LZTS2: variants seen among roughly 807,000 people sequenced by gnomAD.
LZTS2 encodes the protein leucine zipper tumor suppressor 2.
A neutral mutation model predicts 60.6 loss-of-function variants in LZTS2; 32 were observed. The ratio of observed to expected loss-of-function variants is 0.53; its 90% CI spans 0.40 to 0.71. The LOEUF is 0.71. Ranked by LOEUF, LZTS2 falls within the 30% of genes least tolerant of loss-of-function variation. The probability of loss-of-function intolerance (pLI) is 0.00; values close to 1 mark genes in which losing one functional copy is unlikely to be tolerated. For missense variants in LZTS2, 792 were observed against 901.9 expected (o/e 0.88, Z 1.56); for synonymous variants, 360 against 393.1 (o/e 0.92, Z 1.00).
intron 1 of LZTS2, 94 bp downstream of exon 2, chr10:101,003,040 G>C: frequency 1.4e-6 from 2 of 1,417,796 alleles, no homozygotes; most frequent in Non-Finnish European, 1.9e-6. Flanking sequence ...AAAGAGTGTG[G>C]GCTCCAGATT....
At chr10:100,999,654 C>G (rs1374189019) in exon 1 of LZTS2, 2 of 152,148 alleles carry the variant, frequency 1.3e-5, no homozygotes, top group Admixed American at 1.3e-4. Context: ...CCGAGCAGCC[C>G]CTACGTGCGC....
intron 2 of LZTS2, 100 bp from the exon 4 acceptor site, chr10:101,005,358 T>A: frequency 7.5e-7 from 1 of 1,334,278 alleles, no homozygotes; most frequent in Non-Finnish European, 1.0e-6. Context: ...TTTAATGGAA[T>A]CCACCCTTCC....
chr10:101,006,978 A>G, exon 4 of LZTS2: 1 of 1,552,972 alleles, frequency 6.4e-7, no homozygotes, highest in Non-Finnish European at 8.7e-7. Flanking sequence ...CAGGCAGAGA[A>G]GGAGCAGGTG....
chr10:101,006,788 C>T (rs764484609), exon 4 of LZTS2: 24 of 1,549,266 alleles, frequency 1.5e-5, no homozygotes, highest in Middle Eastern at 2.1e-4. Flanking sequence ...CCCTGTGCCA[C>T]CTGCCACCGC....
chr10:101,003,622 G>T, exon 2 of LZTS2: 1 of 1,603,558 alleles, frequency 6.2e-7, no homozygotes, highest in South Asian at 1.1e-5. Flanking sequence ...CTGTCTGGGA[G>T]CCAGGGCAGC....
chr10:100,997,618 C>A (rs1851942996), upstream of LZTS2, among the ~76,000 whole-genome samples: 4 of 142,582 alleles, frequency 2.8e-5, no homozygotes, highest in Admixed American at 2.1e-4. Flanking sequence ...GGGGGCGGGC[C>A]GGGTGGGACG....
chr10:101,007,774 A>T (rs1430859173), exon 4 of LZTS2: 1 of 510,856 alleles, frequency 2.0e-6, no homozygotes, highest in Non-Finnish European at 2.5e-6. Flanking sequence ...TATTTTTCAC[A>T]CTGTAAATTT....
upstream of LZTS2, among the ~76,000 whole-genome samples, chr10:100,999,316 G>A (rs937045167): frequency 6.6e-6 from 1 of 152,248 alleles, no homozygotes; most frequent in Admixed American, 6.5e-5. Flanking sequence ...CCAACCCGCC[G>A]TGGGGCAGGC....
In LZTS2 at chr10:101,004,246, G is replaced by T. The variant is rs553821491; in HGVS notation, c.1068+80G>T. 5 of 1,469,662 alleles carry T rather than the reference G, an allele frequency of 3.4e-6. No homozygotes were observed. The East Asian group carries it at 1.2e-4, about 35-fold the overall frequency. 91.0% of individuals were successfully genotyped at this position (1,469,662 alleles called of 1,614,324 possible). A position where few individuals can be genotyped will look rare whatever the true frequency, so the allele number is the denominator to read the frequency against. ...GGGATGCAAGCGGCATTTCCATTTT[G>T]GCAGGGAACGGGGGTTGGGTAGTTG... is the stretch of plus-strand genomic sequence containing the variant. On this transcript the variant is annotated intron_variant, in intron 2 of 3. Coordinates refer to ENST00000370220, the Ensembl canonical transcript of LZTS2.
chr10:101,006,886 G>T, exon 4 of LZTS2: 2 of 1,532,120 alleles, frequency 1.3e-6, no homozygotes, highest in Non-Finnish European at 1.8e-6. Context: ...CCCAGGTGGA[G>T]CGATTGCGGG....
chr10:100,999,594 C>A (rs949838805), exon 1 of LZTS2: 1 of 152,344 alleles, frequency 6.6e-6, no homozygotes, highest in African/African-American at 2.4e-5. Context: ...CCGAACCGAG[C>A]CCCCAGACAC....
At chr10:100,997,828 C>T (rs1318141769), upstream of LZTS2, among the ~76,000 whole-genome samples, 2 of 152,340 alleles carry the variant, frequency 1.3e-5, no homozygotes, top group African/African-American at 2.4e-5. Flanking sequence ...GGGGATAAGC[C>T]CTCTCCCGGG....
upstream of LZTS2, among the ~76,000 whole-genome samples, chr10:100,997,904 G>T (rs926636592): frequency 1.3e-5 from 2 of 152,188 alleles, no homozygotes; most frequent in African/African-American, 4.8e-5. Context: ...GGCAGGGCTG[G>T]GGTTAACTCG....
intron 3 of LZTS2, 151 bp downstream of exon 4, chr10:101,005,866 G>A (rs1193171004): frequency 3.5e-6 from 4 of 1,128,806 alleles, no homozygotes; most frequent in Middle Eastern, 3.1e-4. Context: ...GTCCCTTTCT[G>A]GGAGGGGGGT....
At chr10:100,997,104 G>A (rs1220176911), upstream of LZTS2, 3 of 152,612 alleles carry the variant, frequency 2.0e-5, no homozygotes, top group Non-Finnish European at 4.4e-5. Context: ...CGGGAGCTGG[G>A]AGCCGGGAGC....
chr10:101,002,407 TAC>T, exon 1 of LZTS2: 1 of 798,040 alleles, frequency 1.3e-6, no homozygotes, highest in Non-Finnish European at 1.9e-6. Context: ...CAGGGCTTGT[TAC>T]TGATGTCAAG....
chr10:101,007,276 G>A, exon 4 of LZTS2: 1 of 1,427,096 alleles, frequency 7.0e-7, no homozygotes, highest in South Asian at 1.5e-5. Flanking sequence ...GGGCCCCAAA[G>A]CCACTTGTCT....
At chr10:101,004,142 C>T (rs527674014) in exon 2 of LZTS2, 44 of 1,606,168 alleles carry the variant, frequency 2.7e-5, no homozygotes, top group Middle Eastern at 1.7e-4. Context: ...ACAGTCTGGA[C>T]GAGAATGAGG....
chr10:101,003,045 C>T, intron 1 of LZTS2, 99 bp downstream of exon 2: 1 of 1,380,302 alleles, frequency 7.2e-7, no homozygotes, highest in Non-Finnish European at 9.6e-7. Flanking sequence ...GTGTGGGCTC[C>T]AGATTCACCA....
Sources: gnomAD v4.1 joint callset for allele counts (sites outside exome capture counted in the v4.1 genomes callset) on GRCh38, gnomAD v4.1.1 for gene constraint, MANE v1.5 for transcripts, NCBI Gene and HGNC (gene_info 2026-07-23, HGNC 2026-07-21) for gene names.